The following MACF1 variants were observed in gnomAD, a reference collection of about 807,000 sequenced individuals.
MACF1 encodes microtubule actin crosslinking factor 1.
A neutral mutation model predicts 854.8 loss-of-function variants in MACF1; 193 were observed. The observed-to-expected ratio is 0.23, with a 90% CI of 0.20 to 0.25. The LOEUF (loss-of-function observed/expected upper bound fraction) is 0.25, where lower values mean the gene tolerates loss of function less well. Ranked by LOEUF, MACF1 falls within the 10% of genes least tolerant of loss-of-function variation. The pLI is 1.00. For synonymous variants in MACF1, 3,185 were observed against 3,226.7 expected (o/e 0.99, Z 0.44); for missense variants, 7,722 against 8,929.1 (o/e 0.86, Z 5.45).
chr1:39,191,199 C>CTTT (rs10708375), intron 2 of MACF1, among the ~76,000 whole-genome samples: 5 of 135,422 alleles, frequency 3.7e-5, no homozygotes, highest in South Asian at 2.4e-4. Context: ...TTCTTTCTTT[C>CTTT]TTTTTTTTTT....
intron 6 of MACF1, among the ~76,000 whole-genome samples, chr1:39,260,982 A>G (rs1031398286): frequency 6.6e-6 from 1 of 152,176 alleles, no homozygotes. Flanking sequence ...TGTTAGCAGT[A>G]TGATTACTTT....
chr1:39,377,744 C>T (rs745934839), intron 52 of MACF1, among the ~76,000 whole-genome samples: 5 of 152,116 alleles, frequency 3.3e-5, no homozygotes, highest in East Asian at 1.9e-4. Flanking sequence ...TGACTCATGC[C>T]TATAATCCCA....
intron 2 of MACF1, among the ~76,000 whole-genome samples, chr1:39,152,368 G>A (rs570767547): frequency 1.3e-5 from 2 of 152,158 alleles, no homozygotes; most frequent in South Asian, 2.1e-4. Flanking sequence ...TTGATTCATT[G>A]CTTTAATTTT....
chr1:39,480,578 AT>A (rs1487163812), intron 98 of MACF1, among the ~76,000 whole-genome samples: 23 of 152,264 alleles, frequency 1.5e-4, no homozygotes, highest in African/African-American at 5.5e-4. Flanking sequence ...GCAGTAAGCT[AT>A]GAACTGCACC....
At position 39,283,326 on chromosome 1, in the gene MACF1, A is replaced by G. The variant is rs979578798; in HGVS notation, c.808+25A>G. 1.9e-6 allele frequency: 3 copies of G among 1,589,758 alleles called. No individual in the cohort carries two copies. The highest frequency in any genetic ancestry group is 2.2e-5 in the East Asian group (1 of 44,776). Reference sequence around the variant, plus strand: ...GGTGAGAGGGAGTTTACTGAACTTGAGTAAGGAACACGTATTCAGTATTCC... The same window carrying G: ...GGTGAGAGGGAGTTTACTGAACTTGGGTAAGGAACACGTATTCAGTATTCC... On this transcript the variant is annotated intron_variant, in intron 8 of 100. Coordinates refer to ENST00000564288, the MANE Select transcript of MACF1 (RefSeq NM_001394062.1). The surrounding 1 kb of genome is among the most constrained non-coding windows in gnomAD (Gnocchi z 4.5).
chr1:39,148,590 T>A (rs189925772), intron 2 of MACF1, among the ~76,000 whole-genome samples: 5 of 152,356 alleles, frequency 3.3e-5, no homozygotes, highest in Admixed American at 3.3e-4. Context: ...ACTTAGTGTA[T>A]GTTGAAAGTC....
intron 2 of MACF1, among the ~76,000 whole-genome samples, chr1:39,109,602 C>CTT (rs76099761): frequency 2.7e-5 from 4 of 146,248 alleles, no homozygotes; most frequent in African/African-American, 1.0e-4. Flanking sequence ...CTTTTCTCTC[C>CTT]TTTTTTTTTT....
At chr1:39,234,394 G>A (rs1644826440) in intron 2 of MACF1, among the ~76,000 whole-genome samples, 1 of 148,106 alleles carries the variant, frequency 6.8e-6, no homozygotes, top group South Asian at 2.2e-4. Context: ...CACCTTCCGG[G>A]CGGGGCGGCT....
chr1:39,235,477 C>G (rs1487428253), intron 2 of MACF1, among the ~76,000 whole-genome samples: 4 of 152,200 alleles, frequency 2.6e-5, no homozygotes, highest in Non-Finnish European at 5.9e-5. Context: ...AGTATTTTCA[C>G]TCATGTAGCC....
intron 2 of MACF1, among the ~76,000 whole-genome samples, chr1:39,089,180 C>A (rs1020751955): frequency 1.3e-5 from 2 of 152,100 alleles, no homozygotes; most frequent in African/African-American, 2.4e-5. Flanking sequence ...TCAAGACCAG[C>A]CTATGAGACC....
chr1:39,186,797 T>TGG (rs946996438), intron 2 of MACF1, among the ~76,000 whole-genome samples: 1 of 151,710 alleles, frequency 6.6e-6, no homozygotes, highest in Non-Finnish European at 1.5e-5. Flanking sequence ...TTTGTAGAGT[T>TGG]GGGGGTCTTG....
intron 91 of MACF1, 46 bp downstream of exon 91, chr1:39,459,295 C>G (rs1557666149): frequency 6.4e-7 from 1 of 1,565,632 alleles, no homozygotes; most frequent in Non-Finnish European, 8.7e-7. Context: ...GTGCTTTTTT[C>G]AATCAAAACA....
rs1644160705 is a variant in MACF1 at position 39,443,491 on chromosome 1, A to G, written c.19348A>G (p.Thr6450Ala). Residue 6450 changes from threonine to alanine, a missense_variant, in exon 79 of 101, where the codon ACT becomes GCT. Transcript: ENST00000564288. ...AATTGAAGATTTCCTCTTGGAACTT[A>G]CTAGAATGGAGAGCCAGCTTTCTGC... ...SEIEDFLLEL[T>A]RMESQLSASK... 1 of 1,613,890 alleles carries G rather than the reference A, an allele frequency of 6.2e-7. No individual in the cohort carries two copies. Among genetic ancestry groups the G allele is most frequent in the African/African-American group, 1.3e-5 (1 of 75,054 alleles).
rs1390496898 is a variant in MACF1 at position 39,134,197 on chromosome 1, C to T, written c.220+49759C>T. Among the ~76,000 whole-genome samples, 8 of 126,656 alleles carry T rather than the reference C, an allele frequency of 6.3e-5. No individual in the cohort carries two copies. The Admixed American group carries it at 6.9e-4, about 11-fold the overall frequency. The allele number at this position is 126,656 out of a possible 152,430, so 83.1% of individuals were successfully genotyped here. On this transcript the variant is annotated intron_variant, in intron 2 of 93. Transcript: ENST00000361689. ...CTGGGACTACAGGCGCCCGCCACCA[C>T]GCCCGGCTAATTTTTTTTTTTTGTA... is the stretch of plus-strand genomic sequence containing the variant.
intron 23 of MACF1, 86 bp downstream of exon 23, chr1:39,303,164 GT>G: frequency 6.8e-7 from 1 of 1,465,212 alleles, no homozygotes; most frequent in East Asian, 2.4e-5. Flanking sequence ...CATTTGTGAT[GT>G]TTTTGAACAC....
At position 39,424,048 on chromosome 1, in the gene MACF1, T is replaced by G. The variant is rs533288608; in HGVS notation, c.16170T>G (p.Asp5390Glu). The G allele has an allele frequency of 3.0e-5, 49 of 1,610,360 alleles. 1 individual carries two copies. The South Asian group carries it at 5.3e-4, about 17-fold the overall frequency. ...QEQKLLQRLL[D>E]DRKATVDMLQ... ...AATAGTTGCTCCAGCGGCTCCTAGA[T>G]GATCGAAAGGCCACAGTAGACATGC... is the stretch of plus-strand genomic sequence containing the variant. Residue 5390 changes from aspartate (D) to glutamate (E), a missense_variant, in exon 61 of 101, where the codon GAT becomes GAG. Around this residue, in one of 15 missense-constraint regions of MACF1, gnomAD observed 2,807 missense variants for 3,235.8 expected, o/e 0.87. Coordinates refer to ENST00000564288, the MANE Select transcript of MACF1 (RefSeq NM_001394062.1).
At chr1:39,359,461 C>T (rs1053862579) in intron 47 of MACF1, among the ~76,000 whole-genome samples, 197 bp downstream of exon 47, 1 of 152,220 alleles carries the variant, frequency 6.6e-6, no homozygotes, top group Non-Finnish European at 1.5e-5. Context: ...GAAGGACCTT[C>T]ACAATCTGGC....
intron 58 of MACF1, chr1:39,412,425 G>A (rs754820383): frequency 1.4e-5 from 22 of 1,613,902 alleles, no homozygotes; most frequent in African/African-American, 2.7e-5. Flanking sequence ...AGGATGGTGA[G>A]GCAAAAGAGC....
chr1:39,335,305 C>T lies in MACF1; in HGVS notation c.8717C>T (p.Thr2906Ile). The change falls in exon 37 of 101, where the codon ACA (threonine) becomes ATA (isoleucine). Residue 2906 changes from threonine (T) to isoleucine (I), a missense_variant. This residue lies in a region of MACF1 where 854 missense variants were observed against 852.6 expected (regional missense o/e 1.00). Transcript: ENST00000564288. ...EVARNNMGND[T>I]NEEQEKAVTK... ...GCTAGAAATAACATGGGAAATGATA[C>T]AAATGAAGAGCAGGAAAAAGCAGTG... 1 of 1,613,954 alleles carries T rather than the reference C, an allele frequency of 6.2e-7. No homozygotes were observed. Among genetic ancestry groups the T allele is most frequent in the Non-Finnish European group, 8.5e-7 (1 of 1,179,952 alleles).
Sources: allele counts gnomAD v4.1 joint callset (sites outside exome capture counted in the v4.1 genomes callset), GRCh38; gene constraint gnomAD v4.1.1; regional missense constraint gnomAD v4.1.1; non-coding constraint Gnocchi (gnomAD v3.1); transcripts MANE v1.5; gene names NCBI Gene and HGNC (gene_info 2026-07-23, HGNC 2026-07-21).